CTNND2: variants seen among roughly 807,000 people sequenced by gnomAD.
The protein encoded by CTNND2 is catenin delta-2.
Under a neutral mutation model 144.4 loss-of-function variants are expected in CTNND2, and 22 were observed. That is an observed-to-expected ratio of 0.15 (90% CI 0.11 to 0.22). CTNND2 has a LOEUF of 0.22. Among genes scored for constraint, CTNND2 ranks in the 10% least tolerant of loss-of-function variants. The pLI is 1.00. For synonymous variants in CTNND2, 751 were observed against 695.6 expected (o/e 1.08, Z -1.25); for missense variants, 1,353 against 1,618.8 (o/e 0.84, Z 2.82).
chr5:11,197,518 A>C (rs1165565979), intron 11 of CTNND2, among the ~76,000 whole-genome samples: 1 of 152,210 alleles, frequency 6.6e-6, no homozygotes, highest in Non-Finnish European at 1.5e-5. Flanking sequence ...CTCTCCATAC[A>C]TCAAGCAAGC....
intron 3 of CTNND2, among the ~76,000 whole-genome samples, chr5:11,465,043 CT>C (rs1766534618): frequency 6.6e-6 from 1 of 152,174 alleles, no homozygotes; most frequent in African/African-American, 2.4e-5. Context: ...TCCCCTCCCC[CT>C]AGCCCAAGAT....
intron 3 of CTNND2, among the ~76,000 whole-genome samples, chr5:11,530,141 T>A (rs1367179019): frequency 6.6e-6 from 1 of 150,924 alleles, no homozygotes; most frequent in Non-Finnish European, 1.5e-5. Context: ...AAAGTTTTCA[T>A]TATCAAAATA....
At chr5:11,543,791 C>A (rs1774969692) in intron 3 of CTNND2, among the ~76,000 whole-genome samples, 1 of 152,194 alleles carries the variant, frequency 6.6e-6, no homozygotes, top group Admixed American at 6.5e-5. Flanking sequence ...GTTTACATTA[C>A]TAATGATGCT....
intron 11 of CTNND2, among the ~76,000 whole-genome samples, chr5:11,199,131 A>G (rs1275283290): frequency 6.6e-6 from 1 of 152,200 alleles, no homozygotes; most frequent in Non-Finnish European, 1.5e-5. Context: ...CCTTTGATCA[A>G]TTATTATTAA....
chr5:11,237,608 C>T (rs1470378776), intron 9 of CTNND2, among the ~76,000 whole-genome samples: 2 of 152,138 alleles, frequency 1.3e-5, no homozygotes, highest in Non-Finnish European at 2.9e-5. Context: ...TCAAGCGATC[C>T]TCCCACCTCA....
At chr5:11,507,255 C>T (rs942981251) in intron 3 of CTNND2, among the ~76,000 whole-genome samples, 2 of 152,064 alleles carry the variant, frequency 1.3e-5, no homozygotes. Flanking sequence ...TGGTTCTTTA[C>T]GAAATGAAGA....
chr5:11,468,461 A>C lies in CTNND2; in HGVS notation c.288-56392T>G, dbSNP rs548631832. Among the ~76,000 whole-genome samples, 113 of 152,280 alleles carry C rather than the reference A, an allele frequency of 7.4e-4. 1 individual carries two copies. Among genetic ancestry groups the C allele is most frequent in the Middle Eastern group, 3.4e-3 (1 of 294 alleles). The stretch of plus-strand genomic sequence containing the variant: ...ACTCAGGATAAAAATTCAGGGAACC[A>C]TTTCAAGAGTTCCATGGTATCAGCC... On this transcript the variant is annotated intron_variant, in intron 3 of 21. Transcript: ENST00000304623.
chr5:11,201,348 G>C, intron 10 of CTNND2, among the ~76,000 whole-genome samples: 1 of 152,116 alleles, frequency 6.6e-6, no homozygotes, highest in East Asian at 1.9e-4. Context: ...CTAAAATAGT[G>C]TTTTCAAAAT....
At chr5:11,132,642 G>A (rs557485232) in intron 12 of CTNND2, among the ~76,000 whole-genome samples, 29 of 152,172 alleles carry the variant, frequency 1.9e-4, no homozygotes, top group African/African-American at 5.5e-4. Flanking sequence ...CTTGTCTCTC[G>A]TATTTCACTA....
At chr5:11,560,108 G>T (rs1011967270) in intron 3 of CTNND2, among the ~76,000 whole-genome samples, 2 of 152,178 alleles carry the variant, frequency 1.3e-5, no homozygotes, top group African/African-American at 4.8e-5. Context: ...TTAACTGAAA[G>T]GGTTACCATA....
At chr5:11,371,312 T>C (rs1349025271) in intron 7 of CTNND2, among the ~76,000 whole-genome samples, 1 of 152,234 alleles carries the variant, frequency 6.6e-6, no homozygotes. Flanking sequence ...ATATAAACAC[T>C]TTGAGATATA....
At chr5:11,666,757 G>C (rs1783588079) in intron 2 of CTNND2, among the ~76,000 whole-genome samples, 6 of 151,918 alleles carry the variant, frequency 3.9e-5, no homozygotes, top group Admixed American at 3.9e-4. Context: ...GAGAGAATCT[G>C]ATTTCTTATT....
chr5:11,410,166 T>C (rs1159668727), intron 5 of CTNND2, among the ~76,000 whole-genome samples: 3 of 152,142 alleles, frequency 2.0e-5, no homozygotes, highest in African/African-American at 7.2e-5. Flanking sequence ...ACAAGAGAAA[T>C]ATATTTAATG....
chr5:11,244,049 T>A (rs1483927985), intron 9 of CTNND2, among the ~76,000 whole-genome samples: 1 of 152,088 alleles, frequency 6.6e-6, no homozygotes, highest in African/African-American at 2.4e-5. Flanking sequence ...ATATTTAGAG[T>A]CAAGAGGAAG....
intron 1 of CTNND2, among the ~76,000 whole-genome samples, chr5:11,764,870 A>G (rs1789488795): frequency 6.6e-6 from 1 of 152,170 alleles, no homozygotes; most frequent in Non-Finnish European, 1.5e-5. Flanking sequence ...TGCAGACCCA[A>G]TGCACATGAA....
chr5:11,063,380 T>C (rs1160154585), intron 16 of CTNND2, among the ~76,000 whole-genome samples: 5 of 152,184 alleles, frequency 3.3e-5, no homozygotes, highest in Admixed American at 3.3e-4. Context: ...ATAAATGATA[T>C]ATTATTTTGA....
chr5:11,886,975 CT>C lies in CTNND2; in HGVS notation c.37+16841del, dbSNP rs36178842. Among the ~76,000 whole-genome samples, 650 of 83,564 alleles carry C rather than the reference CT, an allele frequency of 7.8e-3. 2 individuals are homozygous for C. Among genetic ancestry groups the C allele is most frequent in the East Asian group, 0.022 (57 of 2,564 alleles). 54.8% of individuals were successfully genotyped at this position (83,564 alleles called of 152,430 possible). On this transcript the variant is annotated intron_variant, in intron 1 of 21. Coordinates refer to ENST00000304623, the MANE Select transcript of CTNND2 (RefSeq NM_001332.4). The stretch of plus-strand genomic sequence containing the variant: ...AAATAAGATGTTTTCTATCCTACTG[CT>C]TTTTTTTTTTTTTTTTTTTTTTTTT...
intron 1 of CTNND2, among the ~76,000 whole-genome samples, chr5:11,894,263 C>G (rs948131327): frequency 3.3e-5 from 5 of 151,888 alleles, no homozygotes; most frequent in African/African-American, 1.2e-4. Flanking sequence ...GACAATAGGG[C>G]TTCATTCCAC....
At chr5:11,683,845 A>C (rs1208825050) in intron 2 of CTNND2, among the ~76,000 whole-genome samples, 1 of 152,212 alleles carries the variant, frequency 6.6e-6, no homozygotes, top group African/African-American at 2.4e-5. Flanking sequence ...GGCAGACTCT[A>C]GGTCAGAGCC....
Sources: allele counts gnomAD v4.1 joint callset (sites outside exome capture counted in the v4.1 genomes callset), GRCh38; gene constraint gnomAD v4.1.1; transcripts MANE v1.5; gene names NCBI Gene and HGNC (gene_info 2026-07-23, HGNC 2026-07-21).